MICU1: variants seen among roughly 807,000 people sequenced by gnomAD.
MICU1 encodes mitochondrial calcium uptake 1, also known as calcium uptake protein 1, mitochondrial.
Under a neutral mutation model 56.8 loss-of-function variants are expected in MICU1, and 45 were observed. The observed-to-expected ratio is 0.79, with a 90% confidence interval of 0.62 to 1.02. The LOEUF (loss-of-function observed/expected upper bound fraction) is 1.02, where lower values mean the gene tolerates loss of function less well. Among genes scored for constraint, MICU1 ranks in the 50% least tolerant of loss-of-function variants. The pLI is 0.00. For missense variants in MICU1, 504 were observed against 587.1 expected, an observed-to-expected ratio of 0.86 and a Z score of 1.46; for synonymous variants, 186 against 195.1, an observed-to-expected ratio of 0.95 and a Z score of 0.39.
At chr10:72,482,851 ATT>A (rs1360639507) in intron 6 of MICU1, among the ~76,000 whole-genome samples, 2 of 132,562 alleles carry the variant, frequency 1.5e-5, no homozygotes, top group African/African-American at 2.8e-5. Context: ...ATATATATAT[ATT>A]TATTTATTTT....
At chr10:72,561,497 G>C (rs1840294145) in intron 3 of MICU1, among the ~76,000 whole-genome samples, 1 of 152,152 alleles carries the variant, frequency 6.6e-6, no homozygotes, top group Non-Finnish European at 1.5e-5. Flanking sequence ...ATGGATTTGG[G>C]TATAGAGAAA....
rs60734797 is a variant in MICU1 at position 72,549,930 on chromosome 10, C to CA, written c.493+1248dup. ...GGGTGACAAGAATGAAACTCCATCT[C>CA]AAAAAAAAAAAAAAAGAGAATTAGT... On this transcript the variant is annotated intron_variant, in intron 4 of 11. Transcript: ENST00000361114. Among the ~76,000 whole-genome samples the CA allele has an allele frequency of 9.3e-4, 103 of 111,342 alleles. 3 individuals are homozygous for CA. The highest frequency in any genetic ancestry group is 3.9e-3 in the East Asian group (15 of 3,884). The allele number at this position is 111,342 out of a possible 152,430, so 73.0% of individuals were successfully genotyped here. A position where few individuals can be genotyped will look rare whatever the true frequency, so the allele number is the denominator to read the frequency against.
intron 4 of MICU1, among the ~76,000 whole-genome samples, chr10:72,534,093 A>G (rs1321352683): frequency 6.6e-6 from 1 of 151,920 alleles, no homozygotes; most frequent in East Asian, 1.9e-4. Flanking sequence ...TCTTTTCATT[A>G]TATCAAGGTG....
intron 1 of MICU1, among the ~76,000 whole-genome samples, chr10:72,621,189 A>C (rs1280255167): frequency 6.6e-6 from 1 of 152,254 alleles, no homozygotes; most frequent in Admixed American, 6.5e-5. Flanking sequence ...TTTATTTTAC[A>C]TACCACGTTC....
intron 8 of MICU1, among the ~76,000 whole-genome samples, chr10:72,454,127 G>A (rs11000311): frequency 6.6e-6 from 1 of 152,128 alleles, no homozygotes; most frequent in African/African-American, 2.4e-5. Context: ...CTACCCCGCC[G>A]GGCCCCAACA....
At chr10:72,624,530 T>C (rs914662265) in intron 1 of MICU1, among the ~76,000 whole-genome samples, 27 of 152,218 alleles carry the variant, frequency 1.8e-4, no homozygotes, top group African/African-American at 6.0e-4. Context: ...TTCTTAGGAA[T>C]GTAAACAATC....
intron 1 of MICU1, among the ~76,000 whole-genome samples, chr10:72,610,809 TGGA>T (rs1841823933): frequency 1.3e-5 from 2 of 151,854 alleles, no homozygotes; most frequent in African/African-American, 4.8e-5. Context: ...TAAAGCTGAG[TGGA>T]GGAGGTTAGA....
intron 8 of MICU1, among the ~76,000 whole-genome samples, chr10:72,436,405 G>A (rs1564867302): frequency 1.3e-5 from 2 of 152,160 alleles, no homozygotes; most frequent in Admixed American, 6.6e-5. Context: ...AACTCCATCT[G>A]TAGATCACCA....
intron 4 of MICU1, among the ~76,000 whole-genome samples, chr10:72,544,216 A>G (rs894252773): frequency 6.6e-6 from 1 of 152,132 alleles, no homozygotes; most frequent in African/African-American, 2.4e-5. Context: ...AGACCCCCTT[A>G]GAGTTGTAAG....
intron 10 of MICU1, among the ~76,000 whole-genome samples, chr10:72,389,174 A>G (rs976281895): frequency 2.0e-5 from 3 of 152,204 alleles, no homozygotes; most frequent in African/African-American, 7.2e-5. Flanking sequence ...TGTTAAAGAC[A>G]GTTGTTCAGA....
chr10:72,520,970 C>T (rs536481543), intron 5 of MICU1, among the ~76,000 whole-genome samples: 1 of 152,178 alleles, frequency 6.6e-6, no homozygotes, highest in Non-Finnish European at 1.5e-5. Context: ...ACTTGATTAT[C>T]TGCTACCTAA....
intron 9 of MICU1, among the ~76,000 whole-genome samples, chr10:72,417,069 G>C (rs180774111): frequency 1.3e-5 from 2 of 152,112 alleles, no homozygotes; most frequent in Non-Finnish European, 2.9e-5. Context: ...GTGGCTGATC[G>C]ATAAATATTG....
chr10:72,500,592 G>C lies in MICU1; in HGVS notation c.652+7563C>G, dbSNP rs181536537. On this transcript the variant is annotated intron_variant, in intron 6 of 11. Coordinates refer to ENST00000361114, the MANE Select transcript of MICU1 (RefSeq NM_001195518.2). ...CTGCCTCAGCCTCCCAAAGTGCTGG[G>C]ATTACAAGCATGAGCCACTGTGCCC... Among the ~76,000 whole-genome samples the C allele has an allele frequency of 3.6e-4, 55 of 151,950 alleles. No individual in the cohort carries two copies. In the East Asian group the frequency reaches 0.01, roughly 28 times the overall value.
chr10:72,408,854 G>A (rs568499732), intron 9 of MICU1, among the ~76,000 whole-genome samples: 66 of 152,266 alleles, frequency 4.3e-4, no homozygotes, highest in African/African-American at 1.6e-3. Context: ...CAAGTAATGG[G>A]GAAGCCGTTC....
intron 8 of MICU1, among the ~76,000 whole-genome samples, chr10:72,440,389 A>T (rs1864880220): frequency 6.6e-6 from 1 of 152,248 alleles, no homozygotes; most frequent in Non-Finnish European, 1.5e-5. Flanking sequence ...ACCTTATACA[A>T]AAATTAATTC....
At chr10:72,481,909 C>G (rs995329692) in intron 6 of MICU1, among the ~76,000 whole-genome samples, 1 of 152,170 alleles carries the variant, frequency 6.6e-6, no homozygotes, top group Non-Finnish European at 1.5e-5. Context: ...ATAATCTTTG[C>G]TACTAGGATA....
At chr10:72,490,790 T>C (rs1042897273) in intron 6 of MICU1, among the ~76,000 whole-genome samples, 1 of 152,204 alleles carries the variant, frequency 6.6e-6, no homozygotes, top group Admixed American at 6.5e-5. Context: ...TGTGTGTCCA[T>C]GTGCCCTTTG....
chr10:72,516,973 C>T lies in MICU1; in HGVS notation c.538-8704G>A, dbSNP rs529124402. On this transcript the variant is annotated intron_variant, in intron 5 of 11. Transcript: ENST00000361114. ...AAATTTAGGATTATGTATCTATTTACCAACTCTTAAGAATTCATAAGTGAA... is the reference window on the plus strand; with the variant it reads ...AAATTTAGGATTATGTATCTATTTATCAACTCTTAAGAATTCATAAGTGAA... 3.9e-5 allele frequency among the ~76,000 whole-genome samples: 6 copies of T among 152,248 alleles called. No individual in the cohort carries two copies. In the East Asian group the frequency reaches 1.2e-3, roughly 29 times the overall value.
intron 10 of MICU1, 125 bp from the exon 11 acceptor site, chr10:72,375,997 AATG>A: frequency 4.3e-6 from 4 of 920,046 alleles, no homozygotes; most frequent in Non-Finnish European, 6.7e-6. Flanking sequence ...CATTTAAGAA[AATG>A]ATAAGTTAGG....
Sources: gnomAD v4.1 joint callset for allele counts (sites outside exome capture counted in the v4.1 genomes callset) on GRCh38, gnomAD v4.1.1 for gene constraint, MANE v1.5 for transcripts, NCBI Gene and HGNC (gene_info 2026-07-23, HGNC 2026-07-21) for gene names.